Variants in STPG2 observed in about 807,000 individuals in gnomAD.
STPG2 encodes sperm tail PG-rich repeat containing 2.
A neutral mutation model predicts 54.2 loss-of-function variants in STPG2; 56 were observed. That is an observed-to-expected ratio of 1.03 (90% confidence interval 0.83 to 1.29). STPG2 has a LOEUF of 1.29. Ranked by LOEUF, STPG2 falls within the 50% of genes most tolerant of loss-of-function variation. STPG2 has a pLI of 0.00. For missense variants in STPG2, 596 were observed against 544.9 expected (o/e 1.09, Z -0.93); for synonymous variants, 200 against 181.8 (o/e 1.10, Z -0.81).
At chr4:97,738,644 T>A (rs559339801) in intron 9 of STPG2, among the ~76,000 whole-genome samples, 6 of 152,292 alleles carry the variant, frequency 3.9e-5, no homozygotes, top group African/African-American at 1.4e-4. Context: ...AAGGGATCAA[T>A]TCAACAAGAA....
At chr4:97,480,026 A>G (rs529288595) in intron 4 of STPG2, among the ~76,000 whole-genome samples, 15 of 151,812 alleles carry the variant, frequency 9.9e-5, no homozygotes, top group Non-Finnish European at 2.1e-4. Context: ...AGCAAGTTAA[A>G]TGAAACTGGT....
intron 10 of STPG2, among the ~76,000 whole-genome samples, chr4:97,621,603 C>G (rs1734012709): frequency 6.6e-6 from 1 of 152,034 alleles, no homozygotes; most frequent in African/African-American, 2.4e-5. Context: ...TTGAACAGAC[C>G]AACAGTGAGT....
intron 5 of STPG2, among the ~76,000 whole-genome samples, chr4:98,060,543 A>AT (rs1335086993): frequency 6.6e-6 from 1 of 152,146 alleles, no homozygotes; most frequent in Non-Finnish European, 1.5e-5. Context: ...CGAAGACATT[A>AT]TTCACAGAAC....
At chr4:97,652,141 C>T (rs1722088721) in intron 10 of STPG2, among the ~76,000 whole-genome samples, 1 of 151,760 alleles carries the variant, frequency 6.6e-6, no homozygotes, top group African/African-American at 2.4e-5. Context: ...GGCCGTGAAA[C>T]ATCACTTATG....
chr4:97,705,675 C>T (rs1275643697), intron 10 of STPG2, among the ~76,000 whole-genome samples: 1 of 151,900 alleles, frequency 6.6e-6, no homozygotes, highest in Non-Finnish European at 1.5e-5. Context: ...CTGCACCCAG[C>T]CCAGAAATTC....
At chr4:97,951,757 AATTT>A (rs1733480813) in intron 7 of STPG2, among the ~76,000 whole-genome samples, 1 of 151,992 alleles carries the variant, frequency 6.6e-6, no homozygotes, top group Non-Finnish European at 1.5e-5. Context: ...GCTTTTAATT[AATTT>A]ATTTATTCAC....
chr4:98,045,038 T>A (rs1206912926), intron 5 of STPG2, among the ~76,000 whole-genome samples: 2 of 151,542 alleles, frequency 1.3e-5, no homozygotes, highest in Non-Finnish European at 2.9e-5. Flanking sequence ...GCTAAAGGAG[T>A]CTTGGACCCT....
chr4:97,689,637 C>T (rs1489163605), intron 10 of STPG2, among the ~76,000 whole-genome samples: 2 of 151,980 alleles, frequency 1.3e-5, no homozygotes, highest in African/African-American at 2.4e-5. Flanking sequence ...TAACACAAGG[C>T]ACAATAGAGA....
chr4:97,576,565 G>A lies in STPG2; in HGVS notation c.1321-17448C>T, dbSNP rs940255360. Among the ~76,000 whole-genome samples, 3 of 152,102 alleles carry A rather than the reference G, an allele frequency of 2.0e-5. No homozygotes were observed. In the East Asian group the frequency reaches 5.8e-4, roughly 29 times the overall value. On this transcript the variant is annotated intron_variant, in intron 10 of 10. Transcript: ENST00000295268. ...TAGCCATATGCAGAAGAATGAAATC[G>A]ACCTCTACATATCATCTAAAGAAAT...
intron 10 of STPG2, among the ~76,000 whole-genome samples, chr4:97,611,471 T>C (rs1476664057): frequency 6.6e-6 from 1 of 151,906 alleles, no homozygotes; most frequent in Non-Finnish European, 1.5e-5. Flanking sequence ...AAAAGCAAGT[T>C]TGGTTTATTC....
intron 10 of STPG2, among the ~76,000 whole-genome samples, chr4:97,566,449 T>G (rs1420294170): frequency 6.6e-6 from 1 of 152,206 alleles, no homozygotes; most frequent in Non-Finnish European, 1.5e-5. Flanking sequence ...CCCACTGTCC[T>G]GCGCCCACTG....
At chr4:97,455,584 C>A (rs1729495280) in intron 4 of STPG2, among the ~76,000 whole-genome samples, 2 of 152,174 alleles carry the variant, frequency 1.3e-5, no homozygotes, top group African/African-American at 4.8e-5. Flanking sequence ...CCCACTACAT[C>A]CCCTTCTGGC....
intron 10 of STPG2, among the ~76,000 whole-genome samples, chr4:97,676,738 T>C (rs569390802): frequency 6.6e-6 from 1 of 152,284 alleles, no homozygotes; most frequent in Admixed American, 6.5e-5. Flanking sequence ...AAAATGACAA[T>C]ATTGGAGGAT....
chr4:97,679,948 G>A (rs766120250), intron 10 of STPG2, among the ~76,000 whole-genome samples: 280 of 151,606 alleles, frequency 1.8e-3, no homozygotes, highest in Non-Finnish European at 2.5e-3. Context: ...GATATGTGGC[G>A]TTATTTCTGA....
chr4:97,579,298 C>T (rs1253454328), intron 10 of STPG2, among the ~76,000 whole-genome samples: 1 of 151,846 alleles, frequency 6.6e-6, no homozygotes, highest in Non-Finnish European at 1.5e-5. Flanking sequence ...CCTGAATATA[C>T]AAAACATTAT....
intron 8 of STPG2, among the ~76,000 whole-genome samples, chr4:97,860,916 C>A (rs1324994270): frequency 6.6e-6 from 1 of 152,138 alleles, no homozygotes; most frequent in African/African-American, 2.4e-5. Context: ...TGGGGAAACT[C>A]TCCAGGATAT....
intron 5 of STPG2, among the ~76,000 whole-genome samples, chr4:97,984,345 A>G (rs947183481): frequency 2.6e-5 from 4 of 152,064 alleles, no homozygotes; most frequent in African/African-American, 9.7e-5. Flanking sequence ...GGATTTTGCC[A>G]TGTTGGCCAG....
intron 10 of STPG2, among the ~76,000 whole-genome samples, chr4:97,632,261 A>G (rs1159159781): frequency 6.7e-6 from 1 of 150,134 alleles, no homozygotes; most frequent in Non-Finnish European, 1.5e-5. Flanking sequence ...CTAAAATTTC[A>G]CACAAATTTT....
intron 7 of STPG2, among the ~76,000 whole-genome samples, chr4:97,969,980 T>C (rs183241803): frequency 6.6e-6 from 1 of 152,154 alleles, no homozygotes; most frequent in Non-Finnish European, 1.5e-5. Context: ...ACAAAATCAA[T>C]GTACAAAAAT....
Sources: gnomAD v4.1 joint callset for allele counts (sites outside exome capture counted in the v4.1 genomes callset) on GRCh38, gnomAD v4.1.1 for gene constraint, MANE v1.5 for transcripts, NCBI Gene and HGNC (gene_info 2026-07-23, HGNC 2026-07-21) for gene names.